The following RIMS1 variants were observed in gnomAD, a reference collection of about 807,000 sequenced individuals.
The protein encoded by RIMS1 is regulating synaptic membrane exocytosis 1.
Under a neutral mutation model 214.1 loss-of-function variants are expected in RIMS1, and 83 were observed. The observed-to-expected ratio is 0.39, with a 90% confidence interval of 0.32 to 0.47. The LOEUF is 0.47. Ranked by LOEUF, RIMS1 falls within the 20% of genes least tolerant of loss-of-function variation. The pLI, the probability that RIMS1 is intolerant of heterozygous loss-of-function variation, is 0.99. For synonymous variants in RIMS1, 793 were observed against 786.8 expected (o/e 1.01, Z -0.13); for missense variants, 2,050 against 2,161.8 (o/e 0.95, Z 1.03).
chr6:72,240,181 CATAA>C (rs2066113550), intron 9 of RIMS1, among the ~76,000 whole-genome samples: 1 of 151,820 alleles, frequency 6.6e-6, no homozygotes, highest in African/African-American at 2.4e-5. Flanking sequence ...ATTATCCATA[CATAA>C]ATAATGTAAA....
At chr6:72,362,622 T>C (rs996252158) in intron 29 of RIMS1, among the ~76,000 whole-genome samples, 1 of 152,218 alleles carries the variant, frequency 6.6e-6, no homozygotes, top group Admixed American at 6.5e-5. Context: ...TATACCCATA[T>C]AGTAGATAAA....
At position 72,159,583 on chromosome 6, in the gene RIMS1, G is replaced by C; in HGVS notation, c.472-19992G>C. ...ATTTTTGTGTAAGGTGTAAGGAAAG[G>C]ATCCAGTTTCAGCTTTCTACATATG... On this transcript the variant is annotated intron_variant, in intron 4 of 33. Coordinates refer to ENST00000521978, the MANE Select transcript of RIMS1 (RefSeq NM_014989.7). Among the ~76,000 whole-genome samples, 2 of 140,636 alleles carry C rather than the reference G, an allele frequency of 1.4e-5. 1 individual carries two copies. The highest frequency in any genetic ancestry group is 3.2e-5 in the Non-Finnish European group (2 of 61,924). The allele number at this position is 140,636 out of a possible 152,430, so 92.3% of individuals were successfully genotyped here.
chr6:72,103,785 A>G (rs2034163640), intron 4 of RIMS1, among the ~76,000 whole-genome samples: 1 of 152,104 alleles, frequency 6.6e-6, no homozygotes, highest in African/African-American at 2.4e-5. Flanking sequence ...CAATTTCTCC[A>G]CATTTTTATC....
chr6:72,161,335 G>A (rs2045372262), intron 4 of RIMS1, among the ~76,000 whole-genome samples: 1 of 138,740 alleles, frequency 7.2e-6, no homozygotes, highest in East Asian at 2.0e-4. Flanking sequence ...TTCAAAAAAC[G>A]AGCTCCTGGA....
intron 2 of RIMS1, among the ~76,000 whole-genome samples, chr6:72,073,761 A>G (rs1434708148): frequency 6.6e-6 from 1 of 152,154 alleles, no homozygotes; most frequent in African/African-American, 2.4e-5. Flanking sequence ...TTCTGCCTTT[A>G]TCTATGTAAT....
intron 4 of RIMS1, among the ~76,000 whole-genome samples, chr6:72,127,176 A>T (rs1288722731): frequency 6.6e-6 from 1 of 152,136 alleles, no homozygotes; most frequent in East Asian, 1.9e-4. Flanking sequence ...ATTGATGTTA[A>T]TATTTTATAT....
chr6:72,029,459 G>A (rs550848690), intron 2 of RIMS1, among the ~76,000 whole-genome samples: 1 of 152,234 alleles, frequency 6.6e-6, no homozygotes, highest in East Asian at 1.9e-4. Context: ...AGGCTGAATG[G>A]AGGGAGGTGC....
chr6:72,386,320 A>G (rs1172180673), intron 29 of RIMS1, among the ~76,000 whole-genome samples: 1 of 152,258 alleles, frequency 6.6e-6, no homozygotes, highest in East Asian at 1.9e-4. Context: ...ATAATGCAAG[A>G]TAAGTCAGTT....
At chr6:72,038,724 A>G (rs1297698329) in intron 2 of RIMS1, among the ~76,000 whole-genome samples, 1 of 152,190 alleles carries the variant, frequency 6.6e-6, no homozygotes, top group Non-Finnish European at 1.5e-5. Context: ...TCAAAGGAAG[A>G]GTGTTCAGGC....
intron 6 of RIMS1, among the ~76,000 whole-genome samples, chr6:72,207,479 G>T (rs114969789): frequency 4.0e-5 from 6 of 151,634 alleles, no homozygotes; most frequent in African/African-American, 9.7e-5. Context: ...GATTTTTTTT[G>T]TGGAGAAATA....
At chr6:72,187,066 C>T (rs2049227004) in intron 6 of RIMS1, among the ~76,000 whole-genome samples, 4 of 152,052 alleles carry the variant, frequency 2.6e-5, no homozygotes, top group East Asian at 1.9e-4. Context: ...GTGGAGGTTG[C>T]GGTGAGCCGA....
chr6:72,324,687 G>T (rs1156270301), intron 28 of RIMS1, among the ~76,000 whole-genome samples: 1 of 151,906 alleles, frequency 6.6e-6, no homozygotes, highest in Non-Finnish European at 1.5e-5. Flanking sequence ...ACGATAGTAA[G>T]TTTTTCAATT....
At position 72,134,747 on chromosome 6, in the gene RIMS1, A is replaced by C. The variant is rs764335874; in HGVS notation, c.471+34761A>C. Among the ~76,000 whole-genome samples, 6 of 152,152 alleles carry C rather than the reference A, an allele frequency of 3.9e-5. No individual in the cohort carries two copies. The South Asian group carries it at 6.2e-4, about 16-fold the overall frequency. On this transcript the variant is annotated intron_variant, in intron 4 of 33. Transcript: ENST00000521978. The stretch of plus-strand genomic sequence containing the variant: ...ACTGTCACATTTGATAGTGATAGTA[A>C]TAAAATTTGATCACTTAGTTTTCAA...
rs999262464 is a variant in RIMS1, at chr6:72,295,461, A to G, written c.3850+3415A>G. On this transcript the variant is annotated intron_variant, in intron 26 of 33. Coordinates refer to ENST00000521978, the MANE Select transcript of RIMS1 (RefSeq NM_014989.7). ...ATGGAATTTATTTTTTGCTTATCAG[A>G]TAAAAAAATAAATTTCATTTTATCA... is the stretch of plus-strand genomic sequence containing the variant. Among the ~76,000 whole-genome samples, 7 of 151,990 alleles carry G rather than the reference A, an allele frequency of 4.6e-5. No homozygotes were observed. The East Asian group carries it at 5.8e-4, about 13-fold the overall frequency.
intron 31 of RIMS1, among the ~76,000 whole-genome samples, chr6:72,393,218 A>T (rs1483300654): frequency 6.6e-6 from 1 of 152,126 alleles, no homozygotes; most frequent in African/African-American, 2.4e-5. Flanking sequence ...ACTATAAAAA[A>T]GAAAAGGGAA....
chr6:72,253,432 ATGT>A (rs1472161360), intron 16 of RIMS1, among the ~76,000 whole-genome samples: 1 of 152,158 alleles, frequency 6.6e-6, no homozygotes, highest in Non-Finnish European at 1.5e-5. Context: ...AACTTTTGTG[ATGT>A]TGTAGGGTTT....
chr6:72,081,472 G>A (rs1833377830), intron 2 of RIMS1, among the ~76,000 whole-genome samples: 1 of 152,096 alleles, frequency 6.6e-6, no homozygotes, highest in Non-Finnish European at 1.5e-5. Flanking sequence ...CGCATAGATG[G>A]TGCAATATTA....
At chr6:72,275,063 T>C (rs926296071) in intron 23 of RIMS1, among the ~76,000 whole-genome samples, 5 of 147,432 alleles carry the variant, frequency 3.4e-5, no homozygotes, top group African/African-American at 1.2e-4. Flanking sequence ...AACATATATT[T>C]TCCATTACTT....
At chr6:72,005,390 T>C (rs940202370) in intron 2 of RIMS1, among the ~76,000 whole-genome samples, 1 of 152,192 alleles carries the variant, frequency 6.6e-6, no homozygotes, top group African/African-American at 2.4e-5. Context: ...TAAAGTAGTT[T>C]TTTCCAATTC....
Sources: allele counts gnomAD v4.1 joint callset (sites outside exome capture counted in the v4.1 genomes callset), GRCh38; gene constraint gnomAD v4.1.1; transcripts MANE v1.5; gene names NCBI Gene and HGNC (gene_info 2026-07-23, HGNC 2026-07-21).